Variants in SIRT6 observed in about 807,000 individuals in gnomAD.
The protein encoded by SIRT6 is NAD-dependent protein deacylase sirtuin-6.
A neutral mutation model predicts 33.6 loss-of-function variants in SIRT6; 21 were observed. The observed-to-expected ratio is 0.62, with a 90% CI of 0.44 to 0.90. The LOEUF (loss-of-function observed/expected upper bound fraction) is 0.90, where lower values mean the gene tolerates loss of function less well. SIRT6 is among the 40% of genes least tolerant of loss of function. The pLI is 0.00. For synonymous variants in SIRT6, 221 were observed against 223.9 expected (o/e 0.99, Z 0.12); for missense variants, 504 against 510.6 (o/e 0.99, Z 0.12).
chr19:4,176,386 C>T (rs1474841962), intron 4 of SIRT6, among the ~76,000 whole-genome samples: 3 of 152,156 alleles, frequency 2.0e-5, no homozygotes, highest in Non-Finnish European at 1.5e-5. Flanking sequence ...GTCAGGAGTT[C>T]GACACCAGCC....
Position 4,175,763 on chromosome 19 carries a change from G to A in SIRT6, c.534-3C>T. 1.0e-5 allele frequency: 16 copies of A among 1,573,374 alleles called. No homozygotes were observed. Among genetic ancestry groups the A allele is most frequent in the Non-Finnish European group, 1.4e-5 (16 of 1,159,152 alleles). On this transcript the variant is annotated splice_polypyrimidine_tract_variant and splice_region_variant and intron_variant, in intron 5 of 7. Transcript: ENST00000337491. ...GGATGGTGTCCCTCAGCTCTCCCCT[G>A]CAATGAGGAAGCTGAGGAGAGTCCT...
At chr19:4,175,186 C>T (rs201770097) in intron 6 of SIRT6, 35 bp from the exon 7 acceptor site, 45 of 1,575,234 alleles carry the variant, frequency 2.9e-5, no homozygotes, top group Non-Finnish European at 3.3e-5. Flanking sequence ...GCCTGATGCC[C>T]TGCTCCTGCC....
intron 4 of SIRT6, 95 bp from the exon 5 acceptor site, chr19:4,176,032 G>A: frequency 2.8e-6 from 3 of 1,077,546 alleles, no homozygotes; most frequent in Non-Finnish European, 4.1e-6. Context: ...AGGGAGGTGG[G>A]GGGTGGACAG....
rs1279168310 is a variant in SIRT6, at chr19:4,179,373, G to T, written c.195-87C>A. On this transcript the variant is annotated intron_variant, in intron 2 of 7. Coordinates refer to ENST00000337491, the MANE Select transcript of SIRT6 (RefSeq NM_016539.4). ...AGAATCAGAGAGGTATAGAGAGAAA[G>T]TTGGAGAGAGAGAAAATCAGGAGAC... The T allele has an allele frequency of 2.1e-5, 29 of 1,367,400 alleles. No individual in the cohort carries two copies. In the East Asian group the frequency reaches 7.1e-4, roughly 33 times the overall value. 84.7% of individuals were successfully genotyped at this position (1,367,400 alleles called of 1,614,324 possible).
chr19:4,181,230 A>G (rs1599372527), intron 1 of SIRT6, among the ~76,000 whole-genome samples: 2 of 152,074 alleles, frequency 1.3e-5, no homozygotes, highest in Admixed American at 1.3e-4. Flanking sequence ...CACACCAGGC[A>G]CAGTCCCGCC....
Position 4,175,761 on chromosome 19 carries a change from C to T in SIRT6, c.534-1G>A. The T allele has an allele frequency of 6.3e-7, 1 of 1,576,276 alleles. No individual in the cohort carries two copies. The highest frequency in any genetic ancestry group is 8.6e-7 in the Non-Finnish European group (1 of 1,160,800). ...TAGGATGGTGTCCCTCAGCTCTCCC[C>T]TGCAATGAGGAAGCTGAGGAGAGTC... On this transcript the variant is annotated splice_acceptor_variant, in intron 5 of 7. Coordinates refer to ENST00000337491, the MANE Select transcript of SIRT6 (RefSeq NM_016539.4). LOFTEE classifies it high-confidence loss of function.
chr19:4,182,476 C>T lies in SIRT6; in HGVS notation c.64G>A (p.Glu22Lys). 1 of 1,609,948 alleles carries T rather than the reference C, an allele frequency of 6.2e-7. No homozygotes were observed. Among genetic ancestry groups the T allele is most frequent in the Non-Finnish European group, 8.5e-7 (1 of 1,178,596 alleles). Reference protein sequence around the residue: ...YADKGKCGLPEIFDPPEELER... With the variant: ...YADKGKCGLPKIFDPPEELER... ...TCGGGACCCTCAGACGCGCTCACCT[C>T]CGGGAGGCCGCACTTGCCCTTGTCC... Residue 22 changes from glutamate to lysine, a missense_variant and splice_region_variant, in exon 1 of 8, where the codon GAG becomes AAG. Coordinates refer to ENST00000337491, the MANE Select transcript of SIRT6 (RefSeq NM_016539.4).
intron 2 of SIRT6, among the ~76,000 whole-genome samples, chr19:4,180,006 C>T (rs72979002): frequency 0.035 from 5,238 of 147,552 alleles, 142 homozygotes; most frequent in South Asian, 0.065. Flanking sequence ...GCTTCCAGCA[C>T]AAGGTATTCA....
chr19:4,176,963 C>T (rs1487640847), intron 4 of SIRT6, 116 bp downstream of exon 4: 1 of 704,722 alleles, frequency 1.4e-6, no homozygotes, highest in Admixed American at 2.8e-5. Flanking sequence ...GCCCCCAGAT[C>T]CCCCCAGGAG....
chr19:4,176,977 C>T (rs1967340301), intron 4 of SIRT6, 102 bp downstream of exon 4: 2 of 981,194 alleles, frequency 2.0e-6, no homozygotes, highest in Non-Finnish European at 3.1e-6. Flanking sequence ...CCAGGAGGGC[C>T]ACACCCCAGT....
rs368376386 is a variant in SIRT6 at position 4,175,283 on chromosome 19, C to A, written c.615-132G>T. The A allele has an allele frequency of 4.5e-4, 578 of 1,297,854 alleles. 12 individuals carry two copies. Among genetic ancestry groups the A allele is most frequent in the African/African-American group, 4.2e-3 (283 of 67,576 alleles). 80.4% of individuals were successfully genotyped at this position (1,297,854 alleles called of 1,614,324 possible). On this transcript the variant is annotated intron_variant, in intron 6 of 7. Coordinates refer to ENST00000337491, the MANE Select transcript of SIRT6 (RefSeq NM_016539.4). ...GTCAAGGCCAGCCCCACTCCCGAGTCAGCCTTTGGGATCCCGCCCTGCCCT... is the reference window on the plus strand; with the variant it reads ...GTCAAGGCCAGCCCCACTCCCGAGTAAGCCTTTGGGATCCCGCCCTGCCCT...
At chr19:4,177,747 C>T (rs948647591) in intron 3 of SIRT6, among the ~76,000 whole-genome samples, 3 of 152,066 alleles carry the variant, frequency 2.0e-5, no homozygotes, top group East Asian at 3.9e-4. Flanking sequence ...CCCGCCACCA[C>T]GCCGGGCTAA....
At chr19:4,182,315 C>T (rs1438160913) in intron 1 of SIRT6, 159 bp downstream of exon 1, 3 of 691,000 alleles carry the variant, frequency 4.3e-6, no homozygotes, top group Admixed American at 3.5e-5. Context: ...CGTCCCCCGG[C>T]GCGCAGGGGC....
At chr19:4,181,795 TATAATA>T (rs952123010) in intron 1 of SIRT6, among the ~76,000 whole-genome samples, 1 of 151,560 alleles carries the variant, frequency 6.6e-6, no homozygotes, top group Non-Finnish European at 1.5e-5. Flanking sequence ...ATCTCAAAAA[TATAATA>T]ATAATAATAA....
intron 3 of SIRT6, 151 bp downstream of exon 3, chr19:4,178,953 G>T: frequency 9.7e-7 from 1 of 1,035,246 alleles, no homozygotes; most frequent in Non-Finnish European, 1.4e-6. Flanking sequence ...GGACAGCTCT[G>T]AGCCATGGGA....
chr19:4,176,582 G>A (rs967706960), intron 4 of SIRT6, among the ~76,000 whole-genome samples: 11 of 151,980 alleles, frequency 7.2e-5, no homozygotes, highest in Non-Finnish European at 2.9e-5. Flanking sequence ...GAGCGGGACT[G>A]TCTCAAAAAA....
chr19:4,179,287 C>G lies in SIRT6; in HGVS notation c.195-1G>C. The G allele has an allele frequency of 6.3e-7, 1 of 1,595,418 alleles. No individual in the cohort carries two copies. The highest frequency in any genetic ancestry group is 8.5e-7 in the Non-Finnish European group (1 of 1,170,956). On this transcript the variant is annotated splice_acceptor_variant, in intron 2 of 7. Transcript: ENST00000337491. LOFTEE classifies it high-confidence loss of function. ...CATGGTCCAGACTCCGTGGGGACCC[C>G]TGAAGGTGGCAGGCCGGGAGAGATG... is the stretch of plus-strand genomic sequence containing the variant.
In SIRT6 at chr19:4,175,112, C is replaced by G; in HGVS notation, c.654G>C (p.Gln218His). The change falls in exon 7 of 8, where the codon CAG becomes CAC. Residue 218 changes from glutamine to histidine, a missense_variant. Transcript: ENST00000337491. Reference protein sequence around the residue: ...DLSITLGTSLQIRPSGNLPLA... With the variant: ...DLSITLGTSLHIRPSGNLPLA... Reference sequence around the variant, plus strand: ...GCGGCAGGTTCCCGCTGGGCCGGATCTGCAGCGATGTACCCAGCGTGATGG... The same window carrying G: ...GCGGCAGGTTCCCGCTGGGCCGGATGTGCAGCGATGTACCCAGCGTGATGG... 6.3e-7 allele frequency: 1 copy of G among 1,593,370 alleles called. No homozygotes were observed. Among genetic ancestry groups the G allele is most frequent in the Non-Finnish European group, 8.5e-7 (1 of 1,171,582 alleles).
chr19:4,182,312 C>T (rs1967743981), intron 1 of SIRT6, 162 bp downstream of exon 1: 1 of 684,058 alleles, frequency 1.5e-6, no homozygotes, highest in Non-Finnish European at 2.4e-6. Flanking sequence ...TGGCGTCCCC[C>T]GGCGCGCAGG....
Sources: allele counts gnomAD v4.1 joint callset (sites outside exome capture counted in the v4.1 genomes callset), GRCh38; gene constraint gnomAD v4.1.1; transcripts MANE v1.5; gene names NCBI Gene and HGNC (gene_info 2026-07-23, HGNC 2026-07-21).